The following ZNF662 variants were observed in gnomAD, a reference collection of about 807,000 sequenced individuals.
The protein encoded by ZNF662 is zinc finger protein 662.
ZNF662 carries 14 observed loss-of-function variants against 12.4 expected under a neutral mutation model. The ratio of observed to expected loss-of-function variants is 1.13; its 90% CI spans 0.75 to 1.77. The LOEUF is 1.77. Among genes scored for constraint, ZNF662 ranks in the 40% most tolerant of loss-of-function variants. ZNF662 has a pLI of 0.00. For synonymous variants in ZNF662, 184 were observed against 176.4 expected (o/e 1.04, Z -0.34); for missense variants, 550 against 515.6 (o/e 1.07, Z -0.65).
intron 3 of ZNF662, 49 bp from the exon 4 acceptor site, chr3:42,913,152 C>CCT (rs1475888759): frequency 7.4e-7 from 1 of 1,353,666 alleles, no homozygotes; most frequent in Non-Finnish European, 1.1e-6. Context: ...TCCTGATGGG[C>CCT]CTCACTCTTC....
rs1287152725 is a variant in ZNF662, at chr3:42,907,924, C to T, written c.-93-98C>T. 2.7e-6 allele frequency: 4 copies of T among 1,482,306 alleles called. No homozygotes were observed. In the East Asian group the frequency reaches 9.7e-5, roughly 36 times the overall value. 91.8% of individuals were successfully genotyped at this position (1,482,306 alleles called of 1,614,324 possible). A position where few individuals can be genotyped will look rare whatever the true frequency, so the allele number is the denominator to read the frequency against. On this transcript the variant is annotated intron_variant, in intron 1 of 4. Coordinates refer to ENST00000440367, the MANE Select transcript of ZNF662 (RefSeq NM_207404.4). Reference sequence around the variant, plus strand: ...GTAGACATTCAGAATCCAGAATCCCCACAGGCACCCCCACAGTACCTTTTG... The same window carrying T: ...GTAGACATTCAGAATCCAGAATCCCTACAGGCACCCCCACAGTACCTTTTG...
chr3:42,911,349 G>A (rs2088787221), intron 3 of ZNF662, among the ~76,000 whole-genome samples: 1 of 152,144 alleles, frequency 6.6e-6, no homozygotes, highest in Non-Finnish European at 1.5e-5. Context: ...CCCCTACAAA[G>A]GGCATAGCTA....
chr3:42,906,175 A>G lies in ZNF662; in HGVS notation c.-94+7A>G. 1.7e-6 allele frequency: 1 copy of G among 575,856 alleles called. No homozygotes were observed. The highest frequency in any genetic ancestry group is 3.8e-5 in the Admixed American group (1 of 26,028). 35.7% of individuals were successfully genotyped at this position (575,856 alleles called of 1,614,324 possible). Reference sequence around the variant, plus strand: ...GGATGCTGGGGCCTGGCGGGTGTGGAGCACGGGGAGTCGGGCGTGGGGCGG... The same window carrying G: ...GGATGCTGGGGCCTGGCGGGTGTGGGGCACGGGGAGTCGGGCGTGGGGCGG... On this transcript the variant is annotated splice_region_variant and intron_variant, in intron 1 of 4. Coordinates refer to ENST00000440367, the MANE Select transcript of ZNF662 (RefSeq NM_207404.4). This position sits in a 1 kb window ranked among gnomAD's most constrained non-coding sequence, Gnocchi z 4.4.
At chr3:42,909,212 G>GCCTT (rs1229193746) in intron 3 of ZNF662, among the ~76,000 whole-genome samples, 1 of 151,716 alleles carries the variant, frequency 6.6e-6, no homozygotes, top group African/African-American at 2.4e-5. Context: ...GGGCCCTGCC[G>GCCTT]CCTTCCGTAG....
In ZNF662 at chr3:42,914,332, G is replaced by A. The variant is rs2088872017; in HGVS notation, c.259G>A (p.Val87Met). 5.0e-6 allele frequency: 8 copies of A among 1,594,636 alleles called. No homozygotes were observed. The highest frequency in any genetic ancestry group is 2.3e-5 in the South Asian group (2 of 87,334). Reference sequence around the variant, plus strand: ...GCTCCAATTTCTTTTTTCAGAGGGTGTGTTGAAGAGGAAGAAAGAAGATTT... The same window carrying A: ...GCTCCAATTTCTTTTTTCAGAGGGTATGTTGAAGAGGAAGAAAGAAGATTT... The part of the protein sequence containing the change: ...EGPSLICPEG[V>M]LKRKKEDFIL... The change falls in exon 5 of 5, where the codon GTG becomes ATG. Residue 87 changes from valine (V) to methionine (M), a missense_variant. Transcript: ENST00000440367.
Position 42,906,209 on chromosome 3 carries a change from TG to T in ZNF662, c.-94+43del. On this transcript the variant is annotated intron_variant, in intron 1 of 4. Coordinates refer to ENST00000440367, the MANE Select transcript of ZNF662 (RefSeq NM_207404.4). The surrounding 1 kb of genome is among the most constrained non-coding windows in gnomAD (Gnocchi z 4.4). ...AGTCGGGCGTGGGGCGGGCAGGGAG[TG>T]GAGTCGGGGTCTTACTCCGGTGGCT... 1 of 670,638 alleles carries T rather than the reference TG, an allele frequency of 1.5e-6. No individual in the cohort carries two copies. Among genetic ancestry groups the T allele is most frequent in the South Asian group, 2.1e-5 (1 of 47,334 alleles). The allele number at this position is 670,638 out of a possible 1,614,324, so 41.5% of individuals were successfully genotyped here.
At chr3:42,912,081 G>A (rs1296293036) in intron 3 of ZNF662, 1 of 149,260 alleles carries the variant, frequency 6.7e-6, no homozygotes, top group African/African-American at 2.5e-5. Flanking sequence ...TGAGTGATAT[G>A]TTTCATATCT....
chr3:42,912,693 A>ATATATAAATATATATATATATT (rs377231571), intron 3 of ZNF662, among the ~76,000 whole-genome samples: 1 of 53,092 alleles, frequency 1.9e-5, no homozygotes, highest in Non-Finnish European at 3.1e-5. Context: ...ATATATATAT[A>ATATATAAATATATATATATATT]TTTTATATAT....
rs570584414 is a variant in ZNF662 at position 42,906,276 on chromosome 3, G to T, written c.-94+108G>T. The T allele has an allele frequency of 6.5e-5, 92 of 1,405,122 alleles. No homozygotes were observed. In the East Asian group the frequency reaches 1.8e-3, roughly 27 times the overall value. The allele number at this position is 1,405,122 out of a possible 1,614,324, so 87.0% of individuals were successfully genotyped here. A position where few individuals can be genotyped will look rare whatever the true frequency, so the allele number is the denominator to read the frequency against. Reference sequence around the variant, plus strand: ...GCCGTGTCAGGCCTGCCCAGGTGCAGAGCGCTCTTCCGCGACCCCAACAGC... The same window carrying T: ...GCCGTGTCAGGCCTGCCCAGGTGCATAGCGCTCTTCCGCGACCCCAACAGC... On this transcript the variant is annotated intron_variant, in intron 1 of 4. Transcript: ENST00000440367. This position sits in a 1 kb window ranked among gnomAD's most constrained non-coding sequence, Gnocchi z 4.4.
At chr3:42,913,509 A>T (rs896778039) in intron 4 of ZNF662, among the ~76,000 whole-genome samples, 1 of 152,198 alleles carries the variant, frequency 6.6e-6, no homozygotes, top group Non-Finnish European at 1.5e-5. Context: ...TTAAATTAGG[A>T]TGGGTCTTTT....
intron 4 of ZNF662, 21 bp downstream of exon 4, chr3:42,913,323 C>T (rs757485334): frequency 3.9e-6 from 6 of 1,554,934 alleles, no homozygotes; most frequent in Non-Finnish European, 1.8e-6. Flanking sequence ...GGGAAATGAG[C>T]ATTCTTCTCT....
rs2088905674 is a variant in ZNF662, at chr3:42,917,388, G to C, written c.*2034G>C. ...CCAGAGGAGATATTATCTGTCCTCT[G>C]TGTGGCACATAGGAAAATGTGAGAC... On this transcript the variant is annotated 3_prime_UTR_variant, in exon 5 of 5. Coordinates refer to ENST00000440367, the MANE Select transcript of ZNF662 (RefSeq NM_207404.4). The C allele has an allele frequency of 1.5e-6, 1 of 645,230 alleles. No homozygotes were observed. The highest frequency in any genetic ancestry group is 2.7e-5 in the East Asian group (1 of 37,060). The allele number at this position is 645,230 out of a possible 1,614,324, so 40.0% of individuals were successfully genotyped here. A position where few individuals can be genotyped will look rare whatever the true frequency, so the allele number is the denominator to read the frequency against.
chr3:42,907,911 A>C (rs1575407848), intron 1 of ZNF662, 111 bp from the exon 2 acceptor site: 3 of 1,454,978 alleles, frequency 2.1e-6, no homozygotes, highest in Non-Finnish European at 2.7e-6. Context: ...AGACATTCAG[A>C]ATCCAGAATC....
rs147118855 is a variant in ZNF662 at position 42,906,800 on chromosome 3, T to A, written c.-94+632T>A. 2.1e-3 allele frequency among the ~76,000 whole-genome samples: 314 copies of A among 152,158 alleles called. No homozygotes were observed. The highest frequency in any genetic ancestry group is 7.1e-3 in the African/African-American group (295 of 41,492). On this transcript the variant is annotated intron_variant, in intron 1 of 4. Coordinates refer to ENST00000440367, the MANE Select transcript of ZNF662 (RefSeq NM_207404.4). This position sits in a 1 kb window ranked among gnomAD's most constrained non-coding sequence, Gnocchi z 4.4. Reference sequence around the variant, plus strand: ...GAAGAACTGGATATTCAGGCAAGAGTAGCCGCAGGTGCAAGGACACAGAAC... The same window carrying A: ...GAAGAACTGGATATTCAGGCAAGAGAAGCCGCAGGTGCAAGGACACAGAAC...
chr3:42,909,527 A>G (rs1231310267), intron 3 of ZNF662, among the ~76,000 whole-genome samples: 1 of 152,136 alleles, frequency 6.6e-6, no homozygotes, highest in Non-Finnish European at 1.5e-5. Context: ...CCCCTTTTCT[A>G]TTCGACAAAA....
chr3:42,907,018 T>C (rs1488844841), intron 1 of ZNF662, among the ~76,000 whole-genome samples: 2 of 152,166 alleles, frequency 1.3e-5, no homozygotes, highest in African/African-American at 2.4e-5. Flanking sequence ...CCTGGAGTGC[T>C]GGATAAATAG....
intron 3 of ZNF662, among the ~76,000 whole-genome samples, chr3:42,909,304 A>G (rs2088735455): frequency 6.6e-6 from 1 of 152,288 alleles, no homozygotes; most frequent in Admixed American, 6.5e-5. Flanking sequence ...CTGTTTAACA[A>G]AGCACATCTT....
rs993165508 is a variant in ZNF662 at position 42,906,619 on chromosome 3, G to A, written c.-94+451G>A. 6.6e-6 allele frequency among the ~76,000 whole-genome samples: 1 copy of A among 152,216 alleles called. No homozygotes were observed. The highest frequency in any genetic ancestry group is 1.5e-5 in the Non-Finnish European group (1 of 68,040). On this transcript the variant is annotated intron_variant, in intron 1 of 4. Coordinates refer to ENST00000440367, the MANE Select transcript of ZNF662 (RefSeq NM_207404.4). The surrounding 1 kb of genome is among the most constrained non-coding windows in gnomAD (Gnocchi z 4.4). ...CCTGAGCCTCAAGGAGAGCAGACGT[G>A]CAGCGGCACGGGGTTGAGCCGACTG...
At chr3:42,907,746 G>C (rs1411420813) in intron 1 of ZNF662, 2 of 985,300 alleles carry the variant, frequency 2.0e-6, no homozygotes, top group Non-Finnish European at 2.4e-6. Flanking sequence ...GTGGTTTGGG[G>C]TATAAGGATG....
Sources: gnomAD v4.1 joint callset for allele counts (sites outside exome capture counted in the v4.1 genomes callset) on GRCh38, gnomAD v4.1.1 for gene constraint, Gnocchi (gnomAD v3.1) non-coding constraint, MANE v1.5 for transcripts, NCBI Gene and HGNC (gene_info 2026-07-23, HGNC 2026-07-21) for gene names.